C3orf20: variants seen among roughly 807,000 people sequenced by gnomAD.
The protein encoded by C3orf20 is uncharacterized protein C3orf20.
C3orf20 carries 76 observed loss-of-function variants against 88.3 expected under a neutral mutation model. The observed-to-expected ratio is 0.86, with a 90% CI of 0.72 to 1.04. C3orf20 has a LOEUF of 1.04. Among genes scored for constraint, C3orf20 ranks in the 50% least tolerant of loss-of-function variants. The probability of loss-of-function intolerance (pLI) is 0.00; values close to 1 mark genes in which losing one functional copy is unlikely to be tolerated. For synonymous variants in C3orf20, 436 were observed against 437.4 expected (o/e 1.00, Z 0.04); for missense variants, 1,056 against 1,123.3 (o/e 0.94, Z 0.86).
At position 14,684,137 on chromosome 3, in the gene C3orf20, C is replaced by T. The variant is rs2032266682; in HGVS notation, c.485-105C>T. The T allele has an allele frequency of 2.8e-5, 41 of 1,459,156 alleles. 1 individual carries two copies. The South Asian group carries it at 3.8e-4, about 14-fold the overall frequency. 90.4% of individuals were successfully genotyped at this position (1,459,156 alleles called of 1,614,324 possible). A position where few individuals can be genotyped will look rare whatever the true frequency, so the allele number is the denominator to read the frequency against. ...TCACCCCTGCATACCCTAGGAATAG[C>T]GCTCTACTCTACCCTTCTTTCCTGG... On this transcript the variant is annotated intron_variant, in intron 3 of 16. Transcript: ENST00000253697.
In C3orf20 at chr3:14,772,777, A is replaced by G. The variant is rs1319240631; in HGVS notation, c.2631-14A>G. 3.1e-6 allele frequency: 5 copies of G among 1,609,248 alleles called. No individual in the cohort carries two copies. The highest frequency in any genetic ancestry group is 1.3e-5 in the African/African-American group (1 of 74,922). Reference sequence around the variant, plus strand: ...CAGCCCTTCCGCCTCCCGGCCCTCTATTTTGATCTTTAGGACAAGAGAGCC... The same window carrying G: ...CAGCCCTTCCGCCTCCCGGCCCTCTGTTTTGATCTTTAGGACAAGAGAGCC... On this transcript the variant is annotated splice_polypyrimidine_tract_variant and intron_variant, in intron 16 of 16. Transcript: ENST00000253697. The surrounding 1 kb of genome is among the most constrained non-coding windows in gnomAD (Gnocchi z 4.2).
intron 12 of C3orf20, among the ~76,000 whole-genome samples, chr3:14,731,005 A>G (rs984192772): frequency 6.6e-6 from 1 of 152,150 alleles, no homozygotes; most frequent in Non-Finnish European, 1.5e-5. Flanking sequence ...GGATGTCTGA[A>G]ACTGTGAACA....
At chr3:14,711,281 T>C (rs1020195350) in intron 7 of C3orf20, among the ~76,000 whole-genome samples, 3 of 152,230 alleles carry the variant, frequency 2.0e-5, no homozygotes, top group Non-Finnish European at 4.4e-5. Context: ...CCAACTATTT[T>C]TGTAGAACTA....
chr3:14,719,125 G>GTTTTTTTTTT (rs35504025), intron 9 of C3orf20, among the ~76,000 whole-genome samples: 2 of 133,178 alleles, frequency 1.5e-5, no homozygotes, highest in African/African-American at 2.8e-5. Context: ...TTGGGTCATT[G>GTTTTTTTTTT]TTTTTTTTTT....
At chr3:14,698,265 G>T (rs1036923419) in intron 5 of C3orf20, among the ~76,000 whole-genome samples, 21 of 152,310 alleles carry the variant, frequency 1.4e-4, no homozygotes, top group Admixed American at 5.2e-4. Context: ...TGTTTCTCCA[G>T]AATTGGTCAC....
rs780455549 is a variant in C3orf20, at chr3:14,772,025, C to A, written c.2496-42C>A. The stretch of plus-strand genomic sequence containing the variant: ...ACTGATGGGACAGCGTGCAGTGCAC[C>A]CTGGGCCCTGAGCACTGCCCCCGAC... On this transcript the variant is annotated intron_variant, in intron 15 of 16. Transcript: ENST00000253697. The surrounding 1 kb of genome is among the most constrained non-coding windows in gnomAD (Gnocchi z 4.2). The A allele has an allele frequency of 1.9e-6, 3 of 1,611,780 alleles. No individual in the cohort carries two copies. The South Asian group carries it at 3.3e-5, about 18-fold the overall frequency.
At chr3:14,695,988 A>G (rs1014641126) in intron 5 of C3orf20, among the ~76,000 whole-genome samples, 1 of 152,062 alleles carries the variant, frequency 6.6e-6, no homozygotes, top group Admixed American at 6.6e-5. Context: ...GTCATTATTA[A>G]TAAGTAAGGA....
At chr3:14,754,806 C>A (rs1410222284) in intron 12 of C3orf20, among the ~76,000 whole-genome samples, 1 of 152,112 alleles carries the variant, frequency 6.6e-6, no homozygotes, top group Non-Finnish European at 1.5e-5. Context: ...CTCACTATAA[C>A]CTCGAACTCC....
chr3:14,728,724 G>A (rs755412255), intron 12 of C3orf20, 36 bp downstream of exon 12: 7 of 1,602,398 alleles, frequency 4.4e-6, no homozygotes, highest in Admixed American at 1.7e-5. Flanking sequence ...GCAGCATCGG[G>A]TGTTGTGATG....
intron 12 of C3orf20, among the ~76,000 whole-genome samples, chr3:14,749,073 T>A (rs2035144433): frequency 6.6e-6 from 1 of 152,228 alleles, no homozygotes; most frequent in South Asian, 2.1e-4. Context: ...TACTATAGAA[T>A]TGCCTATTTC....
At chr3:14,699,010 C>T (rs545859199) in intron 5 of C3orf20, among the ~76,000 whole-genome samples, 17 of 152,224 alleles carry the variant, frequency 1.1e-4, no homozygotes, top group African/African-American at 3.6e-4. Flanking sequence ...CCACTCTTCC[C>T]TCCCTCTTCC....
chr3:14,698,716 A>T (rs1425875715), intron 5 of C3orf20, among the ~76,000 whole-genome samples: 4 of 152,064 alleles, frequency 2.6e-5, no homozygotes, highest in African/African-American at 9.7e-5. Flanking sequence ...GCACTGGATG[A>T]AACCTAAAGC....
chr3:14,758,780 C>T (rs1441092436), intron 13 of C3orf20, among the ~76,000 whole-genome samples: 1 of 152,204 alleles, frequency 6.6e-6, no homozygotes, highest in Non-Finnish European at 1.5e-5. Flanking sequence ...ACACCAGTAG[C>T]CCTTTGACCA....
intron 1 of C3orf20, among the ~76,000 whole-genome samples, chr3:14,678,508 C>T (rs746359957): frequency 6.6e-5 from 10 of 152,246 alleles, no homozygotes; most frequent in Non-Finnish European, 1.3e-4. Context: ...GAGCAGGGCC[C>T]ATGCCTTCCC....
At chr3:14,707,944 C>T (rs370685073) in intron 7 of C3orf20, among the ~76,000 whole-genome samples, 16 of 151,586 alleles carry the variant, frequency 1.1e-4, no homozygotes, top group Non-Finnish European at 2.1e-4. Context: ...CTTAGCCTCC[C>T]GAGTAGCTGG....
rs144480539 is a variant in C3orf20 at position 14,689,975 on chromosome 3, ATCTC to A, written c.626-13_626-10del. The A allele has an allele frequency of 9.3e-6, 15 of 1,613,126 alleles. No homozygotes were observed. Among genetic ancestry groups the A allele is most frequent in the East Asian group, 8.9e-5 (4 of 44,874 alleles). On this transcript the variant is annotated intron_variant, in intron 4 of 16. Coordinates refer to ENST00000253697, the MANE Select transcript of C3orf20 (RefSeq NM_032137.5). ...TTAAAAGTAAACAGTTGAAAGAAGA[ATCTC>A]TCTCTCTCCCACTCCAGAGTCCCTC...
At chr3:14,727,077 G>A (rs1263436716) in intron 11 of C3orf20, 53 bp downstream of exon 11, 1 of 1,604,904 alleles carries the variant, frequency 6.2e-7, no homozygotes, top group East Asian at 2.2e-5. Flanking sequence ...CCCCAGTCCT[G>A]AGATTCTGGC....
In C3orf20 at chr3:14,766,455, C is replaced by T. The variant is rs142668348; in HGVS notation, c.2495+4840C>T. On this transcript the variant is annotated intron_variant, in intron 15 of 16. Transcript: ENST00000253697. ...TTTCAAGCAGCCAGCAGTAGCCAGGCTGGGAAGAACAGCCCAGAACACATG... is the reference window on the plus strand; with the variant it reads ...TTTCAAGCAGCCAGCAGTAGCCAGGTTGGGAAGAACAGCCCAGAACACATG... Among the ~76,000 whole-genome samples the T allele has an allele frequency of 2.0e-5, 3 of 152,312 alleles. No individual in the cohort carries two copies. In the East Asian group the frequency reaches 5.8e-4, roughly 29 times the overall value.
chr3:14,688,062 T>C (rs1219643794), intron 4 of C3orf20, among the ~76,000 whole-genome samples: 2 of 152,154 alleles, frequency 1.3e-5, no homozygotes, highest in East Asian at 3.8e-4. Context: ...GATCCATTTA[T>C]TTTGGAAAAA....
Sources: allele counts gnomAD v4.1 joint callset (sites outside exome capture counted in the v4.1 genomes callset), GRCh38; gene constraint gnomAD v4.1.1; non-coding constraint Gnocchi (gnomAD v3.1); transcripts MANE v1.5; gene names NCBI Gene and HGNC (gene_info 2026-07-23, HGNC 2026-07-21).